Variants in ZNF804B observed in about 807,000 individuals in gnomAD.
ZNF804B encodes the protein zinc finger 804B.
In ZNF804B, 80 loss-of-function variants were observed where a neutral mutation model predicts 101.4. The observed-to-expected ratio is 0.79, with a 90% confidence interval of 0.66 to 0.95. The LOEUF (loss-of-function observed/expected upper bound fraction) is 0.95, where lower values mean the gene tolerates loss of function less well. Among genes scored for constraint, ZNF804B ranks in the 40% least tolerant of loss-of-function variants. The pLI is 0.00. For synonymous variants in ZNF804B, 622 were observed against 558.8 expected, an observed-to-expected ratio of 1.11 and a Z score of -1.59; for missense variants, 1,673 against 1,561.9, an observed-to-expected ratio of 1.07 and a Z score of -1.20.
intron 1 of ZNF804B, among the ~76,000 whole-genome samples, chr7:89,003,761 A>G (rs1159789966): frequency 6.6e-6 from 1 of 151,850 alleles, no homozygotes; most frequent in Non-Finnish European, 1.5e-5. Flanking sequence ...CTTCTGACCC[A>G]CAGATTACAT....
intron 1 of ZNF804B, among the ~76,000 whole-genome samples, chr7:89,014,705 G>T (rs367846180): frequency 3.3e-5 from 5 of 152,142 alleles, no homozygotes; most frequent in African/African-American, 1.2e-4. Flanking sequence ...AAATCAAATT[G>T]TTTATTTGCT....
At chr7:89,052,724 C>A (rs1228407914) in intron 1 of ZNF804B, among the ~76,000 whole-genome samples, 1 of 152,120 alleles carries the variant, frequency 6.6e-6, no homozygotes, top group Non-Finnish European at 1.5e-5. Context: ...CCTATCCAAG[C>A]ATTGCCTCAA....
At chr7:89,118,121 C>G (rs182039776) in intron 1 of ZNF804B, among the ~76,000 whole-genome samples, 2 of 152,132 alleles carry the variant, frequency 1.3e-5, no homozygotes, top group Non-Finnish European at 2.9e-5. Context: ...TGAAAACTAA[C>G]TGACTTTTTT....
chr7:89,043,945 T>A, intron 1 of ZNF804B, among the ~76,000 whole-genome samples: 1 of 152,166 alleles, frequency 6.6e-6, no homozygotes, highest in African/African-American at 2.4e-5. Context: ...GAGTACATTC[T>A]AAAGAATTTA....
At chr7:89,233,066 C>A (rs995044267) in intron 2 of ZNF804B, among the ~76,000 whole-genome samples, 3 of 151,964 alleles carry the variant, frequency 2.0e-5, no homozygotes, top group Non-Finnish European at 4.4e-5. Context: ...GGACTACAGG[C>A]GCCCGCCACC....
At chr7:88,773,507 A>G (rs886076692) in intron 1 of ZNF804B, among the ~76,000 whole-genome samples, 1 of 152,242 alleles carries the variant, frequency 6.6e-6, no homozygotes, top group Non-Finnish European at 1.5e-5. Flanking sequence ...AAACTGAAAG[A>G]TAAATCACAT....
intron 1 of ZNF804B, among the ~76,000 whole-genome samples, chr7:89,171,359 C>CTTCTTGT (rs1562904583): frequency 3.0e-5 from 2 of 66,924 alleles, no homozygotes; most frequent in Non-Finnish European, 6.5e-5. Context: ...CTTCTTCTTC[C>CTTCTTGT]TCCTCTTCCT....
intron 1 of ZNF804B, among the ~76,000 whole-genome samples, chr7:88,765,433 C>T (rs1204303851): frequency 2.6e-5 from 4 of 152,082 alleles, no homozygotes; most frequent in Non-Finnish European, 5.9e-5. Context: ...CACTAAAATA[C>T]GTATTTTTAT....
At chr7:88,856,546 C>A (rs958033491) in intron 1 of ZNF804B, among the ~76,000 whole-genome samples, 1 of 152,130 alleles carries the variant, frequency 6.6e-6, no homozygotes, top group African/African-American at 2.4e-5. Flanking sequence ...ATCATGTCGT[C>A]TGCAAACAGG....
intron 1 of ZNF804B, among the ~76,000 whole-genome samples, chr7:89,005,887 A>G (rs948096393): frequency 6.6e-6 from 1 of 152,092 alleles, no homozygotes; most frequent in African/African-American, 2.4e-5. Context: ...TTATGTAAAC[A>G]TAAGTGGCAG....
intron 1 of ZNF804B, among the ~76,000 whole-genome samples, chr7:89,154,475 G>A (rs1790924515): frequency 6.6e-6 from 1 of 152,078 alleles, no homozygotes; most frequent in Non-Finnish European, 1.5e-5. Flanking sequence ...TCCATAAACA[G>A]ATGAATGGAT....
chr7:88,904,654 A>G (rs550047680), intron 1 of ZNF804B, among the ~76,000 whole-genome samples: 3 of 152,200 alleles, frequency 2.0e-5, no homozygotes, highest in African/African-American at 7.2e-5. Context: ...CCCTTTGTAG[A>G]GAATTTTCAT....
chr7:88,915,974 G>T (rs1045659885), intron 1 of ZNF804B, among the ~76,000 whole-genome samples: 4 of 151,784 alleles, frequency 2.6e-5, no homozygotes, highest in Admixed American at 6.6e-5. Flanking sequence ...CTCCTATAAT[G>T]TATATTTTGA....
chr7:89,260,347 C>CTT (rs35480671), intron 2 of ZNF804B, among the ~76,000 whole-genome samples: 50 of 149,426 alleles, frequency 3.3e-4, no homozygotes, highest in African/African-American at 4.9e-4. Context: ...CTTTGTGGCA[C>CTT]TTTTTTTTTT....
Position 89,335,238 on chromosome 7 carries a change from G to C in ZNF804B, c.2256G>C (p.Arg752Ser), listed in dbSNP as rs1253938995. 1.2e-6 allele frequency: 2 copies of C among 1,613,684 alleles called. No individual in the cohort carries two copies. Among genetic ancestry groups the C allele is most frequent in the Admixed American group, 3.3e-5 (2 of 59,914 alleles). ...AAAGAGAACACCACTCAGTTGAAAG[G>C]CACAAACGGAAATGTCTAAAGCACA... ...FHKREHHSVE[R>S]HKRKCLKHNC... Residue 752 changes from arginine (R) to serine (S), a missense_variant, in exon 4 of 4, where the codon AGG (arginine) becomes AGC (serine). Physicochemically the swap from Arg to Ser is moderately radical, Grantham distance 110. Coordinates refer to ENST00000333190, the MANE Select transcript of ZNF804B (RefSeq NM_181646.5).
intron 1 of ZNF804B, among the ~76,000 whole-genome samples, chr7:88,800,063 A>G (rs1790554626): frequency 6.6e-6 from 1 of 152,084 alleles, no homozygotes; most frequent in Non-Finnish European, 1.5e-5. Flanking sequence ...ACTCTAAATC[A>G]TTTCCTTTCA....
intron 1 of ZNF804B, among the ~76,000 whole-genome samples, chr7:88,839,916 T>A (rs1791270916): frequency 6.6e-6 from 1 of 152,150 alleles, no homozygotes; most frequent in African/African-American, 2.4e-5. Flanking sequence ...TCACCTCCTA[T>A]TAACTGGGAC....
chr7:89,302,001 C>T (rs1707017047), intron 2 of ZNF804B, among the ~76,000 whole-genome samples: 1 of 151,712 alleles, frequency 6.6e-6, no homozygotes, highest in African/African-American at 2.4e-5. Flanking sequence ...TATGAAAAAC[C>T]CATGGCATCA....
At chr7:88,765,327 G>A (rs1246472653) in intron 1 of ZNF804B, among the ~76,000 whole-genome samples, 3 of 152,126 alleles carry the variant, frequency 2.0e-5, no homozygotes, top group African/African-American at 4.8e-5. Flanking sequence ...TAGGCTAAAT[G>A]TGCATGACAT....
Sources: gnomAD v4.1 joint callset for allele counts (sites outside exome capture counted in the v4.1 genomes callset) on GRCh38, gnomAD v4.1.1 for gene constraint, MANE v1.5 for transcripts, NCBI Gene and HGNC (gene_info 2026-07-23, HGNC 2026-07-21) for gene names.